PLEKHA5: variants seen among roughly 807,000 people sequenced by gnomAD.
PLEKHA5 encodes pleckstrin homology domain containing A5.
PLEKHA5 carries 55 observed loss-of-function variants against 181.9 expected under a neutral mutation model. That is an observed-to-expected ratio of 0.30 (90% CI 0.24 to 0.38). The LOEUF is 0.38. Among genes scored for constraint, PLEKHA5 ranks in the 10% least tolerant of loss-of-function variants. PLEKHA5 has a pLI of 1.00. For missense variants in PLEKHA5, 1,432 were observed against 1,549.5 expected, an observed-to-expected ratio of 0.92 and a Z score of 1.27; for synonymous variants, 535 against 529.4, an observed-to-expected ratio of 1.01 and a Z score of -0.15.
chr12:19,374,993 G>A (rs1435496829), intron 31 of PLEKHA5, among the ~76,000 whole-genome samples: 1 of 151,758 alleles, frequency 6.6e-6, no homozygotes, highest in Non-Finnish European at 1.5e-5. Flanking sequence ...AAGAGAAGGA[G>A]GAGGAGGAGG....
chr12:19,343,395 C>T lies in PLEKHA5; in HGVS notation c.2623C>T (p.Leu875=). ...LWRIQDVMEG[L]SKHKQQRGTT... is the part of the protein sequence containing the mutation. The stretch of plus-strand genomic sequence containing the variant: ...GCGAATTCAGGATGTCATGGAAGGG[C>T]TGAGTAAACATAAGCAGCAAAGAGG... Residue 875 remains leucine, a synonymous_variant, in exon 22 of 32, where the codon CTG becomes TTG. Transcript: ENST00000429027. 1 of 1,612,700 alleles carries T rather than the reference C, an allele frequency of 6.2e-7. No homozygotes were observed. Among genetic ancestry groups the T allele is most frequent in the Non-Finnish European group, 8.5e-7 (1 of 1,178,830 alleles).
At chr12:19,239,570 G>A (rs913380568) in intron 3 of PLEKHA5, among the ~76,000 whole-genome samples, 4 of 152,184 alleles carry the variant, frequency 2.6e-5, no homozygotes, top group African/African-American at 9.7e-5. Flanking sequence ...GGCCTTTTCA[G>A]AGTTTTAACA....
intron 3 of PLEKHA5, among the ~76,000 whole-genome samples, chr12:19,144,072 G>T (rs1272816010): frequency 6.6e-6 from 1 of 152,138 alleles, no homozygotes. Context: ...ATATAAGAAT[G>T]TATGAAAGTG....
At chr12:19,189,059 G>A (rs2050480417) in intron 3 of PLEKHA5, among the ~76,000 whole-genome samples, 1 of 152,172 alleles carries the variant, frequency 6.6e-6, no homozygotes, top group Non-Finnish European at 1.5e-5. Context: ...TAAATGGGTT[G>A]AACCTGAGAC....
chr12:19,258,813 C>T (rs2067569882), intron 6 of PLEKHA5, among the ~76,000 whole-genome samples: 1 of 152,112 alleles, frequency 6.6e-6, no homozygotes, highest in African/African-American at 2.4e-5. Context: ...TGACCACCCA[C>T]CTTGGCCTCT....
At chr12:19,219,888 A>T (rs1043047190) in intron 3 of PLEKHA5, among the ~76,000 whole-genome samples, 1 of 152,172 alleles carries the variant, frequency 6.6e-6, no homozygotes, top group African/African-American at 2.4e-5. Context: ...TTTGTCAAGC[A>T]TACCATAAAA....
chr12:19,323,510 T>G (rs1410354953), intron 20 of PLEKHA5, among the ~76,000 whole-genome samples: 1 of 148,728 alleles, frequency 6.7e-6, no homozygotes, highest in African/African-American at 2.5e-5. Flanking sequence ...TCTCAATCAA[T>G]CAATCAATAG....
intron 20 of PLEKHA5, among the ~76,000 whole-genome samples, chr12:19,336,090 A>T (rs2093408389): frequency 6.6e-6 from 1 of 152,216 alleles, no homozygotes; most frequent in Non-Finnish European, 1.5e-5. Context: ...GTCTATATTG[A>T]GTCCTCACAA....
intron 3 of PLEKHA5, among the ~76,000 whole-genome samples, chr12:19,161,392 A>AAT (rs2042933109): frequency 2.0e-5 from 3 of 152,188 alleles, no homozygotes; most frequent in Non-Finnish European, 4.4e-5. Context: ...TGGAGAAAAT[A>AAT]CGTTCTCCAA....
At chr12:19,344,865 T>G (rs2094199995) in intron 22 of PLEKHA5, among the ~76,000 whole-genome samples, 1 of 151,880 alleles carries the variant, frequency 6.6e-6, no homozygotes. Flanking sequence ...TCCCAGCACT[T>G]TGGGAGGCCG....
chr12:19,267,130 T>C (rs17343287), intron 8 of PLEKHA5, among the ~76,000 whole-genome samples: 9,085 of 152,256 alleles, frequency 0.06, 345 homozygotes, highest in South Asian at 0.13. Context: ...TTCTTTGCTT[T>C]ATGATTATGG....
chr12:19,149,149 T>A (rs559525598), intron 3 of PLEKHA5, among the ~76,000 whole-genome samples: 172 of 152,286 alleles, frequency 1.1e-3, no homozygotes, highest in African/African-American at 3.9e-3. Context: ...AGACAATTAA[T>A]ATATTATCAG....
chr12:19,273,970 A>G (rs1471825125), intron 10 of PLEKHA5, among the ~76,000 whole-genome samples: 1 of 152,244 alleles, frequency 6.6e-6, no homozygotes, highest in East Asian at 1.9e-4. Flanking sequence ...CAAGCTGGAC[A>G]TGTGCAGTCA....
At chr12:19,200,819 T>A (rs1413100869) in intron 3 of PLEKHA5, 3 of 352,566 alleles carry the variant, frequency 8.5e-6, no homozygotes, top group African/African-American at 2.2e-5. Flanking sequence ...GCATAAAAAA[T>A]TTTTAAAACC....
rs78190272 is a variant in PLEKHA5, at chr12:19,254,083, G to T, written c.311+60G>T. 5,304 of 953,918 alleles carry T rather than the reference G, an allele frequency of 5.6e-3. 29 individuals carry two copies. The highest frequency in any genetic ancestry group is 7.4e-3 in the Non-Finnish European group (4,460 of 606,578). 59.1% of individuals were successfully genotyped at this position (953,918 alleles called of 1,614,324 possible). A position where few individuals can be genotyped will look rare whatever the true frequency, so the allele number is the denominator to read the frequency against. The stretch of plus-strand genomic sequence containing the variant: ...AAATTGGGTTAGCATTGAAATTGCT[G>T]TTATTTATATTTCAATTTAGCAGTT... On this transcript the variant is annotated intron_variant, in intron 4 of 31. Coordinates refer to ENST00000429027, the MANE Select transcript of PLEKHA5 (RefSeq NM_001256470.2).
chr12:19,215,292 G>GT (rs989915882), intron 3 of PLEKHA5, among the ~76,000 whole-genome samples: 33 of 151,698 alleles, frequency 2.2e-4, no homozygotes, highest in African/African-American at 3.4e-4. Context: ...CTAGCCAAAA[G>GT]TTTTTTTTTA....
rs139589208 is a variant in PLEKHA5, at chr12:19,283,442, C to T, written c.1476C>T (p.Pro492=). 7.6e-5 allele frequency: 122 copies of T among 1,613,978 alleles called. No individual in the cohort carries two copies. The African/African-American group carries it at 1.3e-3, about 17-fold the overall frequency. ...CCACTCATGACAAGACATTAGGACC[C>T]GGAGCGGAGGAGAAACGGAGGTCCA... is the stretch of plus-strand genomic sequence containing the variant. ...TPSTHDKTLG[P]GAEEKRRSMR... The change falls in exon 12 of 32, where the codon CCC becomes CCT. Residue 492 remains proline, a synonymous_variant. Coordinates refer to ENST00000429027, the MANE Select transcript of PLEKHA5 (RefSeq NM_001256470.2).
At chr12:19,231,631 GT>G (rs1368524940) in intron 3 of PLEKHA5, among the ~76,000 whole-genome samples, 4 of 51,340 alleles carry the variant, frequency 7.8e-5, no homozygotes, top group Non-Finnish European at 1.1e-4. Context: ...TAAAGCTTGA[GT>G]TATTTTATAT....
intron 21 of PLEKHA5, 141 bp downstream of exon 21, chr12:19,336,757 C>G: frequency 1.7e-6 from 1 of 574,434 alleles, no homozygotes. Context: ...CTTTTAATGA[C>G]AGGAATCTTA....
Sources: gnomAD v4.1 joint callset for allele counts (sites outside exome capture counted in the v4.1 genomes callset) on GRCh38, gnomAD v4.1.1 for gene constraint, MANE v1.5 for transcripts, NCBI Gene and HGNC (gene_info 2026-07-23, HGNC 2026-07-21) for gene names.